RBFOX1: variants seen among roughly 807,000 people sequenced by gnomAD.
RBFOX1 encodes the protein RNA binding protein fox-1 homolog 1.
In RBFOX1, 8 loss-of-function variants were observed where a neutral mutation model predicts 57.7. The ratio of observed to expected loss-of-function variants is 0.14; its 90% CI spans 0.08 to 0.25. The LOEUF (loss-of-function observed/expected upper bound fraction) is 0.25. Among genes scored for constraint, RBFOX1 ranks in the 10% least tolerant of loss-of-function variants. The probability of loss-of-function intolerance (pLI) is 1.00; values close to 1 mark genes in which losing one functional copy is unlikely to be tolerated. For missense variants in RBFOX1, 611 were observed against 548.5 expected (o/e 1.11, Z -1.14); for synonymous variants, 326 against 222.4 (o/e 1.47, Z -4.15).
At chr16:7,263,878 C>G (rs1214928450) in intron 4 of RBFOX1, among the ~76,000 whole-genome samples, 3 of 142,886 alleles carry the variant, frequency 2.1e-5, no homozygotes, top group Non-Finnish European at 3.0e-5. Flanking sequence ...CCAGCCTGGG[C>G]AACAAGAGCA....
chr16:5,572,634 C>A (rs978315703), intron 2 of RBFOX1, among the ~76,000 whole-genome samples: 2 of 152,110 alleles, frequency 1.3e-5, no homozygotes, highest in Non-Finnish European at 2.9e-5. Context: ...AAGAGAGAAT[C>A]TGTGAAATAG....
intron 1 of RBFOX1, among the ~76,000 whole-genome samples, chr16:5,423,994 C>T (rs2067435050): frequency 6.6e-6 from 1 of 152,192 alleles, no homozygotes; most frequent in South Asian, 2.1e-4. Flanking sequence ...CATTTCTCAG[C>T]AATCTAAGGA....
chr16:7,672,238 A>G (rs1321568846), intron 13 of RBFOX1, among the ~76,000 whole-genome samples: 2 of 152,214 alleles, frequency 1.3e-5, no homozygotes, highest in Non-Finnish European at 2.9e-5. Flanking sequence ...CAACATATTC[A>G]TTGGAATGTG....
intron 2 of RBFOX1, among the ~76,000 whole-genome samples, chr16:5,523,125 A>G (rs538037608): frequency 2.9e-4 from 44 of 152,246 alleles, no homozygotes; most frequent in African/African-American, 9.9e-4. Context: ...ATGTCTACTG[A>G]AAGTATAAAA....
At chr16:5,479,732 A>T (rs1231589363) in intron 2 of RBFOX1, among the ~76,000 whole-genome samples, 1 of 151,976 alleles carries the variant, frequency 6.6e-6, no homozygotes, top group African/African-American at 2.4e-5. Flanking sequence ...CCAGCCTGAG[A>T]CAAGAACGAA....
chr16:7,354,771 T>TGTGCCATTGACATTTTCA (rs1448013108), intron 4 of RBFOX1, among the ~76,000 whole-genome samples: 2 of 152,196 alleles, frequency 1.3e-5, no homozygotes, highest in African/African-American at 4.8e-5. Flanking sequence ...CCCTCAAAAC[T>TGTGCCATTGACATTTTCA]GTGCCATTGA....
At position 6,446,206 on chromosome 16, in the gene RBFOX1, G is replaced by C. The variant is rs537704946; in HGVS notation, c.-64+129149G>C. 7.2e-5 allele frequency among the ~76,000 whole-genome samples: 11 copies of C among 152,076 alleles called. No homozygotes were observed. In the East Asian group the frequency reaches 2.1e-3, roughly 30 times the overall value. On this transcript the variant is annotated intron_variant, in intron 2 of 15. Transcript: ENST00000550418. ...TTCATTAGAGCCAGGGTCTTGTCAT[G>C]TTGCCCAGGCTGGTCTAGAACTTCT... is the stretch of plus-strand genomic sequence containing the variant.
chr16:7,432,379 T>A (rs2098689004), intron 4 of RBFOX1, among the ~76,000 whole-genome samples: 1 of 152,138 alleles, frequency 6.6e-6, no homozygotes, highest in South Asian at 2.1e-4. Flanking sequence ...AAATTTAGGA[T>A]CCCAATCCCA....
At chr16:6,345,529 C>G (rs541687782) in intron 2 of RBFOX1, among the ~76,000 whole-genome samples, 1 of 152,118 alleles carries the variant, frequency 6.6e-6, no homozygotes, top group Admixed American at 6.5e-5. Flanking sequence ...TCTATCCGAC[C>G]TGGTATGGGA....
intron 4 of RBFOX1, among the ~76,000 whole-genome samples, chr16:7,365,837 T>C (rs1012282663): frequency 6.6e-6 from 1 of 152,196 alleles, no homozygotes; most frequent in Non-Finnish European, 1.5e-5. Flanking sequence ...CGTGACTACA[T>C]CCAGGGTAGC....
intron 1 of RBFOX1, among the ~76,000 whole-genome samples, chr16:6,158,529 G>A (rs1159733761): frequency 1.3e-5 from 2 of 152,168 alleles, no homozygotes; most frequent in South Asian, 4.1e-4. Flanking sequence ...GCCTTTCAGT[G>A]AAACTTACTG....
At chr16:6,720,435 C>A (rs2065753247) in intron 3 of RBFOX1, among the ~76,000 whole-genome samples, 1 of 152,120 alleles carries the variant, frequency 6.6e-6, no homozygotes, top group African/African-American at 2.4e-5. Flanking sequence ...TACCCACTCT[C>A]AGGTAGTTCT....
intron 1 of RBFOX1, among the ~76,000 whole-genome samples, chr16:6,101,476 A>G (rs2096307573): frequency 6.6e-6 from 1 of 151,912 alleles, no homozygotes; most frequent in Non-Finnish European, 1.5e-5. Context: ...TTAAATTATT[A>G]TTATTATTTT....
chr16:7,441,605 T>A lies in RBFOX1; in HGVS notation c.28-76542T>A, dbSNP rs547493963. 7.2e-5 allele frequency among the ~76,000 whole-genome samples: 11 copies of A among 152,352 alleles called. No homozygotes were observed. In the East Asian group the frequency reaches 2.1e-3, roughly 29 times the overall value. On this transcript the variant is annotated intron_variant, in intron 4 of 15. Coordinates refer to ENST00000550418, the MANE Select transcript of RBFOX1 (RefSeq NM_018723.4). The stretch of plus-strand genomic sequence containing the variant: ...ACCCATATGATTTGTTTTTGCTTTT[T>A]TCCCCCCTGTTATTAGCTGCCAACA...
intron 5 of RBFOX1, among the ~76,000 whole-genome samples, chr16:7,536,366 G>T (rs529115181): frequency 6.6e-6 from 1 of 152,306 alleles, no homozygotes; most frequent in South Asian, 2.1e-4. Context: ...GGCCAAGGTG[G>T]GTGGATCTCT....
chr16:6,893,313 C>G (rs955830098), intron 3 of RBFOX1, among the ~76,000 whole-genome samples: 4 of 152,084 alleles, frequency 2.6e-5, no homozygotes, highest in African/African-American at 9.7e-5. Context: ...AAAGAAAGCC[C>G]CTAGAGATCA....
rs114442607 is a variant in RBFOX1, at chr16:7,106,158, A to C, written c.27+54060A>C. Among the ~76,000 whole-genome samples the C allele has an allele frequency of 4.0e-3, 607 of 152,302 alleles. 1 individual carries two copies. Among genetic ancestry groups the C allele is most frequent in the African/African-American group, 0.014 (572 of 41,584 alleles). On this transcript the variant is annotated intron_variant, in intron 4 of 15. Coordinates refer to ENST00000550418, the MANE Select transcript of RBFOX1 (RefSeq NM_018723.4). ...TAGCAGCATCATGACCTGTGAAGAC[A>C]CAGTGCACTTTGAGTTCATTTTTCC...
intron 3 of RBFOX1, among the ~76,000 whole-genome samples, chr16:6,981,042 C>CACAAAAAAAA (rs2088657713): frequency 1.3e-5 from 1 of 77,472 alleles, no homozygotes; most frequent in Non-Finnish European, 2.1e-5. Flanking sequence ...GTCTCAGTCT[C>CACAAAAAAAA]AAAAAAAAAA....
chr16:7,432,942 A>G (rs553449881), intron 4 of RBFOX1, among the ~76,000 whole-genome samples: 1 of 152,310 alleles, frequency 6.6e-6, no homozygotes, highest in South Asian at 2.1e-4. Context: ...GTCAAGTGGC[A>G]TTTTCGAACT....
Sources: gnomAD v4.1 joint callset for allele counts (sites outside exome capture counted in the v4.1 genomes callset) on GRCh38, gnomAD v4.1.1 for gene constraint, MANE v1.5 for transcripts, NCBI Gene and HGNC (gene_info 2026-07-23, HGNC 2026-07-21) for gene names.